The following MAX variants were observed in gnomAD, a reference collection of about 807,000 sequenced individuals.
The protein encoded by MAX is MYC associated transcriptional regulator X, also known as protein max.
In MAX, 3 loss-of-function variants were observed where a neutral mutation model predicts 22.3. That is an observed-to-expected ratio of 0.13 (90% confidence interval 0.06 to 0.35). The LOEUF (loss-of-function observed/expected upper bound fraction) is 0.35. Among genes scored for constraint, MAX ranks in the 10% least tolerant of loss-of-function variants. MAX has a pLI of 1.00. For missense variants in MAX, 119 were observed against 209.4 expected (o/e 0.57, Z 2.66); for synonymous variants, 72 against 77.7 (o/e 0.93, Z 0.39).
At chr14:65,018,175 C>CAAAAAT (rs962959353) in intron 3 of MAX, among the ~76,000 whole-genome samples, 2 of 151,698 alleles carry the variant, frequency 1.3e-5, no homozygotes, top group East Asian at 2.0e-4. Flanking sequence ...GACTCCATTT[C>CAAAAAT]AAAAATAAAA....
rs1301144585 is a variant in MAX at position 65,069,505 on chromosome 14, G to T, written c.171+24203C>A. Among the ~76,000 whole-genome samples, 1 of 152,218 alleles carries T rather than the reference G, an allele frequency of 6.6e-6. No homozygotes were observed. The highest frequency in any genetic ancestry group is 2.1e-4 in the South Asian group (1 of 4,830). Reference sequence around the variant, plus strand: ...AGGCAAGGCCCAGCCTTTATAAGCTGCCTAGATTGCCCCAGTAGCCAGCAC... The same window carrying T: ...AGGCAAGGCCCAGCCTTTATAAGCTTCCTAGATTGCCCCAGTAGCCAGCAC... On this transcript the variant is annotated intron_variant, in intron 3 of 3. Transcript: ENST00000341653. The surrounding 1 kb of genome is among the most constrained non-coding windows in gnomAD (Gnocchi z 4.6).
At chr14:65,086,066 C>T (rs966194634) in intron 3 of MAX, among the ~76,000 whole-genome samples, 2 of 152,168 alleles carry the variant, frequency 1.3e-5, no homozygotes, top group Non-Finnish European at 2.9e-5. Flanking sequence ...GTTTTAAAAA[C>T]AGCAGTTTCC....
At chr14:65,095,291 C>T (rs186467867) in intron 2 of MAX, among the ~76,000 whole-genome samples, 1 of 152,310 alleles carries the variant, frequency 6.6e-6, no homozygotes, top group East Asian at 1.9e-4. Context: ...GGGGCAGATG[C>T]CTGGAGCACT....
rs2062964617 is a variant in MAX, at chr14:65,069,466, T to G, written c.171+24242A>C. 6.6e-6 allele frequency among the ~76,000 whole-genome samples: 1 copy of G among 152,192 alleles called. No individual in the cohort carries two copies. The highest frequency in any genetic ancestry group is 2.4e-5 in the African/African-American group (1 of 41,450). ...TTTGTGCTAAATGCCTAACCTCATC[T>G]CTAAGCTTCTTCAAGGCAAGGCCCA... On this transcript the variant is annotated intron_variant, in intron 3 of 3. Transcript: ENST00000341653. The surrounding 1 kb of genome is among the most constrained non-coding windows in gnomAD (Gnocchi z 4.6).
At chr14:65,072,464 C>A (rs2062998569), downstream of MAX, among the ~76,000 whole-genome samples, 1 of 152,212 alleles carries the variant, frequency 6.6e-6, no homozygotes, top group African/African-American at 2.4e-5. Flanking sequence ...GACCTCAGAA[C>A]CACTTCGCTA....
intron 2 of MAX, among the ~76,000 whole-genome samples, chr14:65,096,091 C>T (rs915970999): frequency 2.6e-5 from 4 of 152,168 alleles, no homozygotes; most frequent in Admixed American, 6.5e-5. Context: ...GGGGAGCCAG[C>T]CAAGTTTGAG....
chr14:65,076,400 G>C lies in MAX; in HGVS notation c.*76C>G, dbSNP rs1226270175. The stretch of plus-strand genomic sequence containing the variant: ...AAAGAGTCTCTTAAATGGTTCTGAG[G>C]GCTCTACCAACGAACTGAAAGGAGG... On this transcript the variant is annotated 3_prime_UTR_variant, in exon 5 of 5. Transcript: ENST00000358664. The surrounding 1 kb of genome is among the most constrained non-coding windows in gnomAD (Gnocchi z 6.6). The C allele has an allele frequency of 1.2e-6, 2 of 1,611,154 alleles. No homozygotes were observed. Among genetic ancestry groups the C allele is most frequent in the African/African-American group, 2.7e-5 (2 of 74,840 alleles).
At position 65,011,989 on chromosome 14, in the gene MAX, G is replaced by T. The variant is rs1462385910; in HGVS notation, c.172-5705C>A. Among the ~76,000 whole-genome samples, 1 of 152,198 alleles carries T rather than the reference G, an allele frequency of 6.6e-6. No homozygotes were observed. Among genetic ancestry groups the T allele is most frequent in the Non-Finnish European group, 1.5e-5 (1 of 68,040 alleles). On this transcript the variant is annotated intron_variant, in intron 3 of 3. Coordinates refer to the MAX transcript ENST00000341653. This position sits in a 1 kb window ranked among gnomAD's most constrained non-coding sequence, Gnocchi z 4.0. ...AAGATATCTGTTCTTAGATGCTGGA[G>T]GAAGTTTCTGGGTGGACTGTCATTG...
At chr14:65,056,951 C>A (rs1224339545) in intron 3 of MAX, among the ~76,000 whole-genome samples, 1 of 152,196 alleles carries the variant, frequency 6.6e-6, no homozygotes, top group African/African-American at 2.4e-5. Context: ...ATGTGGAAAT[C>A]AAAGGGGAAG....
At position 65,102,448 on chromosome 14, in the gene MAX, C is replaced by T. The variant is rs2063879983; in HGVS notation, c.-109G>A. 1.3e-6 allele frequency: 2 copies of T among 1,494,434 alleles called. No homozygotes were observed. Among genetic ancestry groups the T allele is most frequent in the Non-Finnish European group, 1.8e-6 (2 of 1,109,702 alleles). The allele number at this position is 1,494,434 out of a possible 1,614,324, so 92.6% of individuals were successfully genotyped here. On this transcript the variant is annotated 5_prime_UTR_variant, in exon 1 of 5. In the 5' UTR this introduces an upstream ATG that the reference lacks. Coordinates refer to ENST00000358664, the MANE Select transcript of MAX (RefSeq NM_002382.5). ...AAGCCGAGTCCCCCCCACACACACACTCACTCACTCACTCACTCGCTCTCT... is the reference window on the plus strand; with the variant it reads ...AAGCCGAGTCCCCCCCACACACACATTCACTCACTCACTCACTCGCTCTCT...
rs1377291916 is a variant in MAX at position 65,075,527 on chromosome 14, T to C, written c.*949A>G. ...ATCAGTTGGCTCTATTTCTTAGAAA[T>C]ACACACGGGAAGAAAGAAAGATTTC... On this transcript the variant is annotated 3_prime_UTR_variant, in exon 5 of 5. Coordinates refer to ENST00000358664, the MANE Select transcript of MAX (RefSeq NM_002382.5). The surrounding 1 kb of genome is among the most constrained non-coding windows in gnomAD (Gnocchi z 4.1). The C allele has an allele frequency of 9.4e-7, 1 of 1,065,346 alleles. No individual in the cohort carries two copies. The highest frequency in any genetic ancestry group is 1.6e-5 in the African/African-American group (1 of 61,166). 66.0% of individuals were successfully genotyped at this position (1,065,346 alleles called of 1,614,324 possible). A position where few individuals can be genotyped will look rare whatever the true frequency, so the allele number is the denominator to read the frequency against.
rs933422247 is a variant in MAX, at chr14:65,044,944, G to A, written c.172-38660C>T. Among the ~76,000 whole-genome samples, 7 of 152,286 alleles carry A rather than the reference G, an allele frequency of 4.6e-5. No homozygotes were observed. The highest frequency in any genetic ancestry group is 3.4e-3 in the Middle Eastern group (1 of 294). The stretch of plus-strand genomic sequence containing the variant: ...CTACACCATGGAGAAGAGACTCGCC[G>A]TGTCTGACTGGCTGCAGAGTTGTCA... On this transcript the variant is annotated intron_variant, in intron 3 of 3. Coordinates refer to the MAX transcript ENST00000341653. This position sits in a 1 kb window ranked among gnomAD's most constrained non-coding sequence, Gnocchi z 5.5.
In MAX at chr14:65,047,611, C is replaced by T. The variant is rs942527346; in HGVS notation, c.172-41327G>A. ...TTTTTGGAGGGCAGTTTGGAGACAT[C>T]CATTTAAATTATAAGGGCACTTACC... On this transcript the variant is annotated intron_variant, in intron 3 of 3. Coordinates refer to the MAX transcript ENST00000341653. The surrounding 1 kb of genome is among the most constrained non-coding windows in gnomAD (Gnocchi z 5.2). Among the ~76,000 whole-genome samples, 5 of 152,136 alleles carry T rather than the reference C, an allele frequency of 3.3e-5. No individual in the cohort carries two copies. Among genetic ancestry groups the T allele is most frequent in the African/African-American group, 1.2e-4 (5 of 41,416 alleles).
intron 3 of MAX, among the ~76,000 whole-genome samples, chr14:65,066,886 A>G (rs975932951): frequency 1.4e-5 from 2 of 144,866 alleles, no homozygotes; most frequent in Non-Finnish European, 3.0e-5. Context: ...AAAACAATGT[A>G]TTTTTTAGTT....
intron 3 of MAX, chr14:65,040,763 A>G: frequency 6.2e-7 from 1 of 1,607,788 alleles, no homozygotes; most frequent in Admixed American, 1.7e-5. Flanking sequence ...CTGGCCACTC[A>G]TTCTGCTTTT....
chr14:65,066,862 C>CAA (rs759184338), intron 3 of MAX, among the ~76,000 whole-genome samples: 33,027 of 88,254 alleles, frequency 0.37, 5,416 homozygotes, highest in South Asian at 0.44. Context: ...AATTCCATCT[C>CAA]AAAAAAAAAA....
rs1409292421 is a variant in MAX at position 65,093,410 on chromosome 14, CTT to C, written c.171+296_171+297del. On this transcript the variant is annotated intron_variant, in intron 3 of 4. Coordinates refer to ENST00000358664, the MANE Select transcript of MAX (RefSeq NM_002382.5). This position sits in a 1 kb window ranked among gnomAD's most constrained non-coding sequence, Gnocchi z 4.4. The stretch of plus-strand genomic sequence containing the variant: ...TATCCCAAACGAACTCTTGGCCACT[CTT>C]TATACTATAGTGTATAGTTATAATT... 2.5e-6 allele frequency: 1 copy of C among 395,936 alleles called. No individual in the cohort carries two copies. Among genetic ancestry groups the C allele is most frequent in the African/African-American group, 2.1e-5 (1 of 48,656 alleles). The allele number at this position is 395,936 out of a possible 1,614,324, so 24.5% of individuals were successfully genotyped here.
At position 65,054,696 on chromosome 14, in the gene MAX, C is replaced by T. The variant is rs190908100; in HGVS notation, c.171+39012G>A. ...TGTGCCCGAAAACGCTCTGGTAAGA[C>T]GGGTGCAGGGCTTCACACCCCTTCT... On this transcript the variant is annotated intron_variant, in intron 3 of 3. Coordinates refer to the MAX transcript ENST00000341653. The surrounding 1 kb of genome is among the most constrained non-coding windows in gnomAD (Gnocchi z 4.4). 1.1e-5 allele frequency: 17 copies of T among 1,601,420 alleles called. No homozygotes were observed. The highest frequency in any genetic ancestry group is 6.8e-5 in the East Asian group (3 of 43,978).
chr14:65,010,368 G>C (rs2061664256), intron 3 of MAX, among the ~76,000 whole-genome samples: 1 of 152,202 alleles, frequency 6.6e-6, no homozygotes, highest in Non-Finnish European at 1.5e-5. Flanking sequence ...TAGTCTGTGT[G>C]TGTAACCTGA....
Sources: allele counts gnomAD v4.1 joint callset (sites outside exome capture counted in the v4.1 genomes callset), GRCh38; gene constraint gnomAD v4.1.1; non-coding constraint Gnocchi (gnomAD v3.1); transcripts MANE v1.5; gene names NCBI Gene and HGNC (gene_info 2026-07-23, HGNC 2026-07-21).